SUCLG2: variants seen among roughly 807,000 people sequenced by gnomAD.
The protein encoded by SUCLG2 is succinate-CoA ligase GDP-forming subunit beta.
SUCLG2 carries 42 observed loss-of-function variants against 47.9 expected under a neutral mutation model. That is an observed-to-expected ratio of 0.88 (90% CI 0.69 to 1.14). SUCLG2 has a LOEUF of 1.14. Among genes scored for constraint, SUCLG2 ranks in the 50% most tolerant of loss-of-function variants. SUCLG2 has a pLI of 0.00. For synonymous variants in SUCLG2, 195 were observed against 197.3 expected (o/e 0.99, Z 0.10); for missense variants, 571 against 525.9 (o/e 1.09, Z -0.84).
intron 2 of SUCLG2, among the ~76,000 whole-genome samples, chr3:67,590,774 C>G (rs1708138310): frequency 6.6e-6 from 1 of 152,168 alleles, no homozygotes; most frequent in Admixed American, 6.5e-5. Flanking sequence ...AACAGACTAA[C>G]ACAACAGGGT....
chr3:67,535,458 T>C (rs955423765), intron 2 of SUCLG2, among the ~76,000 whole-genome samples: 5 of 152,092 alleles, frequency 3.3e-5, no homozygotes, highest in Admixed American at 1.3e-4. Context: ...GTTTGGATGC[T>C]TGTCCCCACA....
Position 67,461,240 on chromosome 3 carries a change from C to T in SUCLG2, c.1062+34558G>A, listed in dbSNP as rs1007635300. Among the ~76,000 whole-genome samples, 5 of 152,096 alleles carry T rather than the reference C, an allele frequency of 3.3e-5. No individual in the cohort carries two copies. In the East Asian group the frequency reaches 5.8e-4, roughly 18 times the overall value. On this transcript the variant is annotated intron_variant, in intron 9 of 10. Coordinates refer to ENST00000307227, the MANE Select transcript of SUCLG2 (RefSeq NM_003848.4). ...TTACCCACAGCATGCATGAGTTTAA[C>T]GCTCCAAACGATACTCAGGGTTCTC...
intron 10 of SUCLG2, among the ~76,000 whole-genome samples, chr3:67,379,613 G>C (rs1438299034): frequency 6.6e-6 from 1 of 152,058 alleles, no homozygotes; most frequent in African/African-American, 2.4e-5. Context: ...ACCCAACTTA[G>C]CACCAGTATT....
intron 9 of SUCLG2, among the ~76,000 whole-genome samples, chr3:67,468,135 C>T (rs543970194): frequency 1.3e-5 from 2 of 152,090 alleles, no homozygotes; most frequent in East Asian, 1.9e-4. Context: ...GCAAAAAAAT[C>T]GAACTCACTC....
downstream of SUCLG2, among the ~76,000 whole-genome samples, chr3:67,374,325 G>A (rs1701992869): frequency 6.6e-6 from 1 of 152,144 alleles, no homozygotes; most frequent in Non-Finnish European, 1.5e-5. Context: ...TGAGAACAAA[G>A]TAAGCTGGTA....
chr3:67,439,041 G>A (rs572350490), intron 9 of SUCLG2, among the ~76,000 whole-genome samples: 13 of 152,226 alleles, frequency 8.5e-5, no homozygotes, highest in Non-Finnish European at 1.8e-4. Flanking sequence ...TTTCTACCAC[G>A]ATCAAGTAGG....
intron 2 of SUCLG2, among the ~76,000 whole-genome samples, chr3:67,559,137 TA>T (rs1707239311): frequency 6.6e-6 from 1 of 152,202 alleles, no homozygotes; most frequent in South Asian, 2.1e-4. Context: ...CATTATTTTT[TA>T]TTTTATGACA....
At chr3:67,619,634 A>C (rs1182361650) in intron 1 of SUCLG2, among the ~76,000 whole-genome samples, 1 of 152,236 alleles carries the variant, frequency 6.6e-6, no homozygotes, top group African/African-American at 2.4e-5. Flanking sequence ...GAAAGAATTA[A>C]GATTCGCAAA....
intron 2 of SUCLG2, among the ~76,000 whole-genome samples, chr3:67,559,530 C>T (rs977225395): frequency 4.6e-5 from 7 of 152,134 alleles, no homozygotes; most frequent in African/African-American, 7.2e-5. Context: ...GGGAAACCAC[C>T]GCCATGATCC....
At chr3:67,426,798 C>T (rs964885841) in intron 9 of SUCLG2, among the ~76,000 whole-genome samples, 14 of 152,070 alleles carry the variant, frequency 9.2e-5, no homozygotes, top group African/African-American at 2.9e-4. Flanking sequence ...TGTGGTGGTT[C>T]GCGCCTGTAG....
intron 2 of SUCLG2, among the ~76,000 whole-genome samples, chr3:67,606,109 G>A (rs1700413437): frequency 1.3e-5 from 2 of 152,094 alleles, no homozygotes; most frequent in African/African-American, 4.8e-5. Flanking sequence ...GAAGGCTGAG[G>A]TGGGAGGATC....
At chr3:67,395,139 A>C (rs1006800595) in intron 10 of SUCLG2, among the ~76,000 whole-genome samples, 6 of 152,026 alleles carry the variant, frequency 3.9e-5, no homozygotes, top group Admixed American at 2.6e-4. Context: ...ACCAGCTAAC[A>C]TCATAATGAC....
At chr3:67,508,669 C>A in intron 7 of SUCLG2, 138 bp downstream of exon 7, 1 of 667,776 alleles carries the variant, frequency 1.5e-6, no homozygotes, top group Non-Finnish European at 2.5e-6. Context: ...ATCATGGGAG[C>A]ATTTCAAACT....
chr3:67,543,427 G>A (rs1376070726), intron 2 of SUCLG2, among the ~76,000 whole-genome samples: 2 of 152,190 alleles, frequency 1.3e-5, no homozygotes, highest in Non-Finnish European at 2.9e-5. Context: ...GTTGATTTGG[G>A]AGGCTGAGAC....
chr3:67,475,918 T>C (rs995915994), intron 9 of SUCLG2, among the ~76,000 whole-genome samples: 42 of 152,082 alleles, frequency 2.8e-4, no homozygotes, highest in African/African-American at 9.9e-4. Context: ...AAGGATAACA[T>C]CATTGAAGTA....
At position 67,630,399 on chromosome 3, in the gene SUCLG2, T is replaced by G. The variant is rs78027750; in HGVS notation, c.85-20803A>C. 8.4e-3 allele frequency among the ~76,000 whole-genome samples: 1,278 copies of G among 152,348 alleles called. 15 individuals carry two copies. Among genetic ancestry groups the G allele is most frequent in the Middle Eastern group, 0.02 (6 of 294 alleles). On this transcript the variant is annotated intron_variant, in intron 1 of 10. Coordinates refer to ENST00000307227, the MANE Select transcript of SUCLG2 (RefSeq NM_003848.4). ...TAAACATAGAATGCAATGAATTTCC[T>G]TTCTTTCGAAAACAACTGGAATAAA...
intron 10 of SUCLG2, chr3:67,376,414 G>A (rs1307792855): frequency 1.0e-6 from 1 of 985,310 alleles, no homozygotes; most frequent in Admixed American, 6.1e-5. Flanking sequence ...TGGATCTGGA[G>A]TATCTTCTGG....
intron 6 of SUCLG2, among the ~76,000 whole-genome samples, chr3:67,509,497 T>C (rs926401963): frequency 1.3e-5 from 2 of 152,222 alleles, no homozygotes; most frequent in African/African-American, 4.8e-5. Context: ...ATATCCAAGG[T>C]TGCCCTGTTA....
rs1348860111 is a variant in SUCLG2, at chr3:67,437,625, A to G, written c.1063-36774T>C. ...TGGCTGTAGAGAGGCTGGCTTTATTATAAGGGTAAATTTCTTCTATTTTTT... is the reference window on the plus strand; with the variant it reads ...TGGCTGTAGAGAGGCTGGCTTTATTGTAAGGGTAAATTTCTTCTATTTTTT... On this transcript the variant is annotated intron_variant, in intron 9 of 10. Transcript: ENST00000307227. Among the ~76,000 whole-genome samples the G allele has an allele frequency of 3.9e-5, 6 of 152,220 alleles. No homozygotes were observed. The East Asian group carries it at 7.7e-4, about 20-fold the overall frequency.
Sources: gnomAD v4.1 joint callset for allele counts (sites outside exome capture counted in the v4.1 genomes callset) on GRCh38, gnomAD v4.1.1 for gene constraint, MANE v1.5 for transcripts, NCBI Gene and HGNC (gene_info 2026-07-23, HGNC 2026-07-21) for gene names.